FRMD3: variants seen among roughly 807,000 people sequenced by gnomAD.
FRMD3 encodes the protein FERM domain-containing protein 3.
A neutral mutation model predicts 70.2 loss-of-function variants in FRMD3; 33 were observed. The observed-to-expected ratio is 0.47, with a 90% CI of 0.36 to 0.63. FRMD3 has a LOEUF of 0.63. Ranked by LOEUF, FRMD3 falls within the 20% of genes least tolerant of loss-of-function variation. The probability of loss-of-function intolerance (pLI) is 0.00; values close to 1 mark genes in which losing one functional copy is unlikely to be tolerated. For missense variants in FRMD3, 632 were observed against 711.4 expected (o/e 0.89, Z 1.27); for synonymous variants, 279 against 255.9 (o/e 1.09, Z -0.86).
chr9:83,251,136 G>A (rs1404811798), intron 13 of FRMD3, among the ~76,000 whole-genome samples: 1 of 152,156 alleles, frequency 6.6e-6, no homozygotes, highest in Non-Finnish European at 1.5e-5. Context: ...GTACACCCCT[G>A]GGATGGAGCT....
chr9:83,298,626 G>A, intron 12 of FRMD3, 122 bp downstream of exon 12: 3 of 741,978 alleles, frequency 4.0e-6, no homozygotes, highest in Non-Finnish European at 4.6e-6. Context: ...TGAGTGAGAT[G>A]TCTAAGGAAG....
chr9:83,399,957 A>G (rs1470219932), intron 1 of FRMD3, among the ~76,000 whole-genome samples: 1 of 152,186 alleles, frequency 6.6e-6, no homozygotes, highest in African/African-American at 2.4e-5. Flanking sequence ...TCTTTTCAAC[A>G]CCATACTGGA....
chr9:83,405,887 T>C (rs1257452081), intron 1 of FRMD3, among the ~76,000 whole-genome samples: 2 of 152,188 alleles, frequency 1.3e-5, no homozygotes, highest in Non-Finnish European at 2.9e-5. Flanking sequence ...AGCTGCATAA[T>C]TGGTTCTTAC....
At chr9:83,520,955 T>C (rs1055777188) in intron 1 of FRMD3, among the ~76,000 whole-genome samples, 9 of 136,020 alleles carry the variant, frequency 6.6e-5, no homozygotes, top group African/African-American at 2.3e-4. Flanking sequence ...TGAAACCCTG[T>C]GTCTACTAAA....
At chr9:83,399,776 A>G (rs1825901631) in intron 1 of FRMD3, among the ~76,000 whole-genome samples, 1 of 152,198 alleles carries the variant, frequency 6.6e-6, no homozygotes, top group African/African-American at 2.4e-5. Context: ...CCTCAACTTG[A>G]TAAAGAACGT....
Position 83,520,484 on chromosome 9 carries a change from T to C in FRMD3, c.147+17601A>G, listed in dbSNP as rs1829547277. On this transcript the variant is annotated intron_variant, in intron 1 of 13. Transcript: ENST00000304195. ...CCAGAGTTAGCTACCATTAAGAGAC[T>C]ATTGCTGCACTGTCCAGTGTGGTAG... Among the ~76,000 whole-genome samples, 4 of 152,226 alleles carry C rather than the reference T, an allele frequency of 2.6e-5. No individual in the cohort carries two copies. In the South Asian group the frequency reaches 8.3e-4, roughly 31 times the overall value.
At chr9:83,379,187 T>A (rs1825281664) in intron 2 of FRMD3, among the ~76,000 whole-genome samples, 1 of 152,108 alleles carries the variant, frequency 6.6e-6, no homozygotes, top group African/African-American at 2.4e-5. Flanking sequence ...ATTCTTCCAA[T>A]TAGAGTTATG....
At chr9:83,522,566 ATT>A (rs370993005) in intron 1 of FRMD3, among the ~76,000 whole-genome samples, 279 of 138,840 alleles carry the variant, frequency 2.0e-3, no homozygotes, top group African/African-American at 6.1e-3. Context: ...TATATATATA[ATT>A]TTTTTTTTTT....
chr9:83,381,724 A>C (rs1825362808), intron 2 of FRMD3, among the ~76,000 whole-genome samples: 1 of 152,180 alleles, frequency 6.6e-6, no homozygotes, highest in Non-Finnish European at 1.5e-5. Flanking sequence ...AGTCTTTAAA[A>C]AAAAGCATTT....
intron 1 of FRMD3, among the ~76,000 whole-genome samples, chr9:83,486,149 T>G (rs963266891): frequency 2.0e-5 from 3 of 152,128 alleles, no homozygotes; most frequent in African/African-American, 7.2e-5. Flanking sequence ...TTGAATAATA[T>G]CCTATGAATA....
upstream of FRMD3, among the ~76,000 whole-genome samples, chr9:83,539,427 G>A (rs556089208): frequency 2.6e-5 from 4 of 152,304 alleles, no homozygotes; most frequent in South Asian, 8.3e-4. Flanking sequence ...TGGGAGAGAT[G>A]GAAGTCCTCT....
intron 12 of FRMD3, among the ~76,000 whole-genome samples, chr9:83,298,028 AC>A (rs1469045285): frequency 1.3e-5 from 2 of 152,094 alleles, no homozygotes; most frequent in African/African-American, 2.4e-5. Context: ...TAAAGGAAAT[AC>A]CTCTGGGTTT....
At chr9:83,332,791 C>T (rs1823433684) in intron 6 of FRMD3, among the ~76,000 whole-genome samples, 1 of 152,294 alleles carries the variant, frequency 6.6e-6, no homozygotes, top group South Asian at 2.1e-4. Flanking sequence ...AGGAAGTCTT[C>T]AGAACAGCAG....
In FRMD3 at chr9:83,399,719, G is replaced by A. The variant is rs144370282; in HGVS notation, c.148-10011C>T. On this transcript the variant is annotated intron_variant, in intron 1 of 13. Transcript: ENST00000304195. ...TTTAAACCTGGGACTGCTATATTTG[G>A]TTATTATAACCACATTTTTTAATTG... is the stretch of plus-strand genomic sequence containing the variant. 3.5e-3 allele frequency among the ~76,000 whole-genome samples: 540 copies of A among 152,198 alleles called. 3 individuals carry two copies. Among genetic ancestry groups the A allele is most frequent in the African/African-American group, 0.012 (513 of 41,520 alleles).
the FRMD3 span, among the ~76,000 whole-genome samples, chr9:83,551,484 C>A: frequency 6.6e-6 from 1 of 152,076 alleles, no homozygotes; most frequent in Non-Finnish European, 1.5e-5. Flanking sequence ...ATGACACTGG[C>A]CTCACAGAAT....
At position 83,246,370 on chromosome 9, in the gene FRMD3, C is replaced by CT. The variant is rs571134700; in HGVS notation, c.*1547dup. On this transcript the variant is annotated 3_prime_UTR_variant, in exon 14 of 14. Coordinates refer to ENST00000304195, the MANE Select transcript of FRMD3 (RefSeq NM_174938.6). ...TCAGTACGTTGCTGATGGTACAATGCTCTAGTACCTTCCTTGATACCATTA... is the reference window on the plus strand; with the variant it reads ...TCAGTACGTTGCTGATGGTACAATGCTTCTAGTACCTTCCTTGATACCATTA... The CT allele has an allele frequency of 6.1e-6, 6 of 983,326 alleles. No individual in the cohort carries two copies. In the Admixed American group the frequency reaches 3.1e-4, roughly 50 times the overall value. 60.9% of individuals were successfully genotyped at this position (983,326 alleles called of 1,614,324 possible).
intron 1 of FRMD3, among the ~76,000 whole-genome samples, chr9:83,444,090 T>C (rs903141201): frequency 6.6e-6 from 1 of 152,276 alleles, no homozygotes; most frequent in African/African-American, 2.4e-5. Context: ...TCACACTTAG[T>C]GCTGGTGATG....
the FRMD3 span, among the ~76,000 whole-genome samples, chr9:83,546,480 C>T: frequency 6.6e-6 from 1 of 152,118 alleles, no homozygotes; most frequent in Non-Finnish European, 1.5e-5. Context: ...AATTTGATGC[C>T]ACTAGACTGG....
intron 13 of FRMD3, chr9:83,267,342 C>G (rs947146287): frequency 5.1e-6 from 7 of 1,384,870 alleles, no homozygotes; most frequent in Non-Finnish European, 6.6e-6. Flanking sequence ...TTAAACTCTC[C>G]ACTCACCCCT....
Sources: allele counts gnomAD v4.1 joint callset (sites outside exome capture counted in the v4.1 genomes callset), GRCh38; gene constraint gnomAD v4.1.1; transcripts MANE v1.5; gene names NCBI Gene and HGNC (gene_info 2026-07-23, HGNC 2026-07-21).